TRIM24: variants seen among roughly 807,000 people sequenced by gnomAD.
The protein encoded by TRIM24 is transcription intermediary factor 1-alpha.
Under a neutral mutation model 123.9 loss-of-function variants are expected in TRIM24, and 29 were observed. That is an observed-to-expected ratio of 0.23 (90% CI 0.17 to 0.32). The LOEUF is 0.32. TRIM24 is among the 10% of genes least tolerant of loss of function. TRIM24 has a pLI of 1.00. For synonymous variants in TRIM24, 456 were observed against 461.1 expected, an observed-to-expected ratio of 0.99 and a Z score of 0.14; for missense variants, 932 against 1,295.3, an observed-to-expected ratio of 0.72 and a Z score of 4.31.
intron 1 of TRIM24, among the ~76,000 whole-genome samples, chr7:138,476,606 AAAAG>A (rs1795407113): frequency 6.6e-6 from 1 of 152,064 alleles, no homozygotes; most frequent in Non-Finnish European, 1.5e-5. Flanking sequence ...AAAAAAAAAA[AAAAG>A]AAATTCCCCC....
intron 1 of TRIM24, among the ~76,000 whole-genome samples, chr7:138,500,747 G>A (rs1201818042): frequency 3.3e-5 from 5 of 151,724 alleles, no homozygotes; most frequent in Admixed American, 3.3e-4. Flanking sequence ...TGGTGGTGCA[G>A]TTTTGGCAAT....
chr7:138,521,778 AGGCAAGAT>A (rs1412513776), intron 4 of TRIM24, among the ~76,000 whole-genome samples: 1 of 152,234 alleles, frequency 6.6e-6, no homozygotes, highest in Non-Finnish European at 1.5e-5. Flanking sequence ...TATTAACCAA[AGGCAAGAT>A]GGTATAGTAG....
chr7:138,507,655 A>G (rs962144202), intron 2 of TRIM24, among the ~76,000 whole-genome samples: 1 of 152,202 alleles, frequency 6.6e-6, no homozygotes, highest in Admixed American at 6.5e-5. Context: ...GTACTTCAGT[A>G]AAATATTTTT....
At chr7:138,550,343 G>A (rs1234641693) in intron 7 of TRIM24, among the ~76,000 whole-genome samples, 3 of 151,896 alleles carry the variant, frequency 2.0e-5, no homozygotes, top group African/African-American at 7.3e-5. Context: ...GTGTGTGTGT[G>A]TGCAAAGTCT....
intron 3 of TRIM24, among the ~76,000 whole-genome samples, chr7:138,518,082 T>A (rs182613730): frequency 1.5e-3 from 232 of 152,366 alleles, no homozygotes; most frequent in Non-Finnish European, 2.8e-3. Flanking sequence ...CATATGTTTA[T>A]TTCAGCATTA....
Position 138,506,664 on chromosome 7 carries a change from C to T in TRIM24, c.483+2256C>T, listed in dbSNP as rs370146785. On this transcript the variant is annotated intron_variant, in intron 2 of 18. Transcript: ENST00000343526. ...CCGTATGATCAATTAGTTTTCAGTA[C>T]GTTTATGTTTATTTAGTCTGCTTCT... Among the ~76,000 whole-genome samples the T allele has an allele frequency of 3.5e-4, 54 of 152,220 alleles. 2 individuals are homozygous for T. Among genetic ancestry groups the T allele is most frequent in the Middle Eastern group, 3.4e-3 (1 of 294 alleles).
At chr7:138,509,479 G>A (rs148016298) in intron 2 of TRIM24, among the ~76,000 whole-genome samples, 5 of 150,448 alleles carry the variant, frequency 3.3e-5, no homozygotes, top group East Asian at 3.9e-4. Flanking sequence ...CGAGGCAGGC[G>A]GATCACAAGA....
chr7:138,542,976 AT>A (rs978532374), intron 7 of TRIM24, among the ~76,000 whole-genome samples: 2 of 152,228 alleles, frequency 1.3e-5, no homozygotes, highest in African/African-American at 2.4e-5. Context: ...TGTTACTTAC[AT>A]TTTTTTGAAA....
intron 5 of TRIM24, among the ~76,000 whole-genome samples, chr7:138,527,043 A>AT (rs370487930): frequency 8.6e-5 from 13 of 151,104 alleles, no homozygotes; most frequent in South Asian, 2.1e-4. Context: ...CAAAGTTTAC[A>AT]TTTTTTTTTA....
chr7:138,517,121 G>A (rs966044003), intron 3 of TRIM24, among the ~76,000 whole-genome samples: 3 of 149,608 alleles, frequency 2.0e-5, no homozygotes, highest in Non-Finnish European at 3.0e-5. Flanking sequence ...AAAAAAAACC[G>A]TCTTAGCGTT....
At chr7:138,579,779 C>T (rs1037024654) in intron 15 of TRIM24, among the ~76,000 whole-genome samples, 8 of 152,144 alleles carry the variant, frequency 5.3e-5, no homozygotes, top group East Asian at 1.9e-4. Flanking sequence ...AAAAATTAGC[C>T]GGGTATGGTA....
At chr7:138,506,324 G>A (rs1796150144) in intron 2 of TRIM24, among the ~76,000 whole-genome samples, 1 of 152,146 alleles carries the variant, frequency 6.6e-6, no homozygotes, top group Admixed American at 6.5e-5. Context: ...ACAGTGTTGA[G>A]CACTTAAGTC....
At chr7:138,564,564 C>T (rs901021127) in intron 9 of TRIM24, among the ~76,000 whole-genome samples, 1 of 152,240 alleles carries the variant, frequency 6.6e-6, no homozygotes, top group Non-Finnish European at 1.5e-5. Context: ...GTCTGAGCCA[C>T]AAGCATTTTG....
intron 4 of TRIM24, 34 bp downstream of exon 4, chr7:138,519,355 T>C: frequency 1.3e-6 from 2 of 1,561,356 alleles, no homozygotes; most frequent in Non-Finnish European, 1.7e-6. Context: ...TATAGATTCA[T>C]ATGCAGCTTT....
rs746056609 is a variant in TRIM24, at chr7:138,537,821, C to CT, written c.997-831dup. On this transcript the variant is annotated intron_variant, in intron 6 of 18. Transcript: ENST00000343526. ...TGACTAGGGCTAGGATCTGGGTTCG[C>CT]TTTTTATTGAGAATGTAAGTCCATG... Among the ~76,000 whole-genome samples, 6 of 152,260 alleles carry CT rather than the reference C, an allele frequency of 3.9e-5. No homozygotes were observed. In the South Asian group the frequency reaches 1.2e-3, roughly 32 times the overall value.
intron 16 of TRIM24, among the ~76,000 whole-genome samples, 198 bp downstream of exon 16, chr7:138,580,892 G>T (rs865994408): frequency 3.3e-5 from 5 of 151,990 alleles, no homozygotes; most frequent in South Asian, 4.1e-4. Context: ...ATTAATGCAT[G>T]TATTTTATAG....
chr7:138,525,725 G>C (rs1456915827), intron 5 of TRIM24, among the ~76,000 whole-genome samples: 4 of 152,100 alleles, frequency 2.6e-5, no homozygotes, highest in Admixed American at 6.5e-5. Flanking sequence ...TTTAAGGTTT[G>C]CTGAAATTTG....
chr7:138,544,068 C>A (rs1379474915), intron 7 of TRIM24, among the ~76,000 whole-genome samples: 1 of 152,118 alleles, frequency 6.6e-6, no homozygotes, highest in Admixed American at 6.5e-5. Context: ...GTGTGAGCCA[C>A]CACATCTGGC....
intron 10 of TRIM24, among the ~76,000 whole-genome samples, chr7:138,570,225 G>A (rs1797625216): frequency 6.6e-6 from 1 of 152,110 alleles, no homozygotes; most frequent in African/African-American, 2.4e-5. Flanking sequence ...GCGATTACAG[G>A]CATGAGCCAC....
Sources: gnomAD v4.1 joint callset for allele counts (sites outside exome capture counted in the v4.1 genomes callset) on GRCh38, gnomAD v4.1.1 for gene constraint, MANE v1.5 for transcripts, NCBI Gene and HGNC (gene_info 2026-07-23, HGNC 2026-07-21) for gene names.